Variants in NCAM2 observed in about 807,000 individuals in gnomAD.
NCAM2 encodes N-CAM-2.
A neutral mutation model predicts 98.1 loss-of-function variants in NCAM2; 30 were observed. The observed-to-expected ratio is 0.31, with a 90% CI of 0.23 to 0.41. The LOEUF (loss-of-function observed/expected upper bound fraction) is 0.41, where lower values mean the gene tolerates loss of function less well. Ranked by LOEUF, NCAM2 falls within the 10% of genes least tolerant of loss-of-function variation. NCAM2 has a pLI of 1.00. For synonymous variants in NCAM2, 368 were observed against 342.4 expected, an observed-to-expected ratio of 1.07 and a Z score of -0.83; for missense variants, 867 against 1,005.8, an observed-to-expected ratio of 0.86 and a Z score of 1.87.
intron 1 of NCAM2, among the ~76,000 whole-genome samples, chr21:21,206,042 A>G (rs908586395): frequency 6.6e-6 from 1 of 152,182 alleles, no homozygotes; most frequent in Non-Finnish European, 1.5e-5. Context: ...TTCAGATTGT[A>G]GCAGTACTCT....
chr21:21,457,442 C>A (rs1982317156), intron 12 of NCAM2, among the ~76,000 whole-genome samples: 2 of 152,104 alleles, frequency 1.3e-5, no homozygotes, highest in African/African-American at 4.8e-5. Context: ...GAGTTCGAGA[C>A]CAGCCTGGCC....
intron 1 of NCAM2, among the ~76,000 whole-genome samples, chr21:21,234,115 T>C (rs1329904762): frequency 6.6e-6 from 1 of 151,752 alleles, no homozygotes; most frequent in Non-Finnish European, 1.5e-5. Flanking sequence ...GTAAGGAAAA[T>C]TTATTAATAT....
intron 1 of NCAM2, among the ~76,000 whole-genome samples, chr21:21,096,307 A>G (rs1404723563): frequency 6.6e-6 from 1 of 151,634 alleles, no homozygotes; most frequent in Admixed American, 6.6e-5. Flanking sequence ...GATATTAACG[A>G]TCTCTGAAAG....
Position 21,530,206 on chromosome 21 carries a change from TAATTTAATTTAATTTAATTATATA to T in NCAM2, c.2283-4330_2283-4307del, listed in dbSNP as rs1569141770. ...TGATTTAATTTAATTTAATTATATA[TAATTTAATTTAATTTAATTATATA>T]TATTTAATTTAAATTAATTATATAT... On this transcript the variant is annotated intron_variant, in intron 16 of 17. Transcript: ENST00000400546. 3.1e-3 allele frequency among the ~76,000 whole-genome samples: 260 copies of T among 84,150 alleles called. 14 individuals carry two copies. The highest frequency in any genetic ancestry group is 0.011 in the African/African-American group (255 of 22,226). 55.2% of individuals were successfully genotyped at this position (84,150 alleles called of 152,430 possible). A position where few individuals can be genotyped will look rare whatever the true frequency, so the allele number is the denominator to read the frequency against.
chr21:21,465,550 A>G (rs1983570544), intron 12 of NCAM2, among the ~76,000 whole-genome samples: 2 of 35,790 alleles, frequency 5.6e-5, no homozygotes, highest in African/African-American at 2.9e-4. Context: ...CTAGTAAATT[A>G]TAATATAATC....
chr21:21,427,205 G>T (rs773041733), intron 11 of NCAM2, among the ~76,000 whole-genome samples: 1 of 150,530 alleles, frequency 6.6e-6, no homozygotes, highest in Non-Finnish European at 1.5e-5. Context: ...TGTTTCCTGA[G>T]AAGAGAGTGG....
intron 4 of NCAM2, among the ~76,000 whole-genome samples, chr21:21,287,384 C>G (rs2073140345): frequency 6.6e-6 from 1 of 151,932 alleles, no homozygotes; most frequent in Non-Finnish European, 1.5e-5. Flanking sequence ...CTGAGCTTAG[C>G]ATGTTCAATG....
At chr21:21,168,199 G>A (rs1356651445) in intron 1 of NCAM2, among the ~76,000 whole-genome samples, 1 of 151,632 alleles carries the variant, frequency 6.6e-6, no homozygotes, top group African/African-American at 2.4e-5. Flanking sequence ...GCTAAAGAAG[G>A]AAAACACAGG....
At chr21:21,362,570 A>T (rs1266010355) in intron 8 of NCAM2, among the ~76,000 whole-genome samples, 2 of 151,860 alleles carry the variant, frequency 1.3e-5, no homozygotes, top group East Asian at 3.9e-4. Flanking sequence ...TCCTACTCTT[A>T]AGATCAATTA....
chr21:21,434,230 A>G (rs1160042516), intron 12 of NCAM2, among the ~76,000 whole-genome samples: 1 of 152,234 alleles, frequency 6.6e-6, no homozygotes, highest in Non-Finnish European at 1.5e-5. Flanking sequence ...CTATATAAGT[A>G]CATACTTTAC....
chr21:21,264,996 G>A lies in NCAM2; in HGVS notation c.56-15582G>A, dbSNP rs368317538. Among the ~76,000 whole-genome samples, 182 of 28,394 alleles carry A rather than the reference G, an allele frequency of 6.4e-3. 16 individuals are homozygous for A. The highest frequency in any genetic ancestry group is 0.029 in the South Asian group (24 of 824). 18.6% of individuals were successfully genotyped at this position (28,394 alleles called of 152,430 possible). On this transcript the variant is annotated intron_variant, in intron 1 of 17. Coordinates refer to ENST00000400546, the MANE Select transcript of NCAM2 (RefSeq NM_004540.5). ...ACATATATATTATATATGTGTATGTGTATATATACACATATATATTATATA... is the reference window on the plus strand; with the variant it reads ...ACATATATATTATATATGTGTATGTATATATATACACATATATATTATATA...
rs765406370 is a variant in NCAM2 at position 21,543,196 on chromosome 21, C to G, written c.*5239C>G. The G allele has an allele frequency of 6.6e-6, 1 of 151,616 alleles. No individual in the cohort carries two copies. Among genetic ancestry groups the G allele is most frequent in the Admixed American group, 6.6e-5 (1 of 15,166 alleles). The allele number at this position is 151,616 out of a possible 1,614,324, so 9.4% of individuals were successfully genotyped here. On this transcript the variant is annotated 3_prime_UTR_variant, in exon 18 of 18. Transcript: ENST00000400546. Reference sequence around the variant, plus strand: ...CCAATGAAATGCTGTATATATATGTCTAAACTGTAAAAATTATACTGCAAA... The same window carrying G: ...CCAATGAAATGCTGTATATATATGTGTAAACTGTAAAAATTATACTGCAAA...
intron 9 of NCAM2, among the ~76,000 whole-genome samples, chr21:21,404,077 A>C (rs1436742403): frequency 6.6e-6 from 1 of 152,166 alleles, no homozygotes; most frequent in Non-Finnish European, 1.5e-5. Flanking sequence ...GTCTTACTAC[A>C]TATGGAGTGT....
intron 1 of NCAM2, among the ~76,000 whole-genome samples, chr21:21,271,959 G>A (rs1306115776): frequency 6.6e-6 from 1 of 151,956 alleles, no homozygotes; most frequent in Admixed American, 6.6e-5. Flanking sequence ...TGAGTTAATG[G>A]GTGCAGCACA....
chr21:21,027,668 T>C (rs1332779116), intron 1 of NCAM2, among the ~76,000 whole-genome samples: 3 of 152,200 alleles, frequency 2.0e-5, no homozygotes, highest in African/African-American at 7.2e-5. Flanking sequence ...GCTTAACACC[T>C]ACAGGGAGTT....
chr21:21,175,848 T>C (rs1009573015), intron 1 of NCAM2, among the ~76,000 whole-genome samples: 2 of 152,180 alleles, frequency 1.3e-5, no homozygotes, highest in African/African-American at 4.8e-5. Context: ...TCTGGATAGA[T>C]TCCTAAAATG....
In NCAM2 at chr21:21,211,803, A is replaced by G. The variant is rs141438130; in HGVS notation, c.56-68775A>G. Among the ~76,000 whole-genome samples the G allele has an allele frequency of 4.3e-3, 648 of 152,282 alleles. 4 individuals are homozygous for G. The highest frequency in any genetic ancestry group is 0.015 in the African/African-American group (616 of 41,546). On this transcript the variant is annotated intron_variant, in intron 1 of 17. Transcript: ENST00000400546. ...TCCTTATCTCCTATGGTAGAAATATACTGTCCACTGCAGCCTGAGAGTTTC... is the reference window on the plus strand; with the variant it reads ...TCCTTATCTCCTATGGTAGAAATATGCTGTCCACTGCAGCCTGAGAGTTTC...
chr21:21,456,446 A>G (rs1982158842), intron 12 of NCAM2, among the ~76,000 whole-genome samples: 1 of 152,206 alleles, frequency 6.6e-6, no homozygotes, highest in African/African-American at 2.4e-5. Flanking sequence ...AGTGCTAGCA[A>G]TTCATGAGGA....
intron 1 of NCAM2, among the ~76,000 whole-genome samples, chr21:21,065,129 G>A (rs1052887426): frequency 3.3e-5 from 5 of 150,854 alleles, no homozygotes; most frequent in South Asian, 2.1e-4. Context: ...GCAGTGAGCC[G>A]AGATCACACC....
Sources: gnomAD v4.1 joint callset for allele counts (sites outside exome capture counted in the v4.1 genomes callset) on GRCh38, gnomAD v4.1.1 for gene constraint, MANE v1.5 for transcripts, NCBI Gene and HGNC (gene_info 2026-07-23, HGNC 2026-07-21) for gene names.